CSMD1: variants seen among roughly 807,000 people sequenced by gnomAD.
CSMD1 encodes the protein CUB and sushi domain-containing protein 1.
CSMD1 carries 213 observed loss-of-function variants against 417.5 expected under a neutral mutation model. The ratio of observed to expected loss-of-function variants is 0.51; its 90% CI spans 0.46 to 0.57. The LOEUF (loss-of-function observed/expected upper bound fraction) is 0.57. Among genes scored for constraint, CSMD1 ranks in the 20% least tolerant of loss-of-function variants. The pLI, the probability that CSMD1 is intolerant of heterozygous loss-of-function variation, is 0.00. For synonymous variants in CSMD1, 2,862 were observed against 1,736.8 expected (o/e 1.65, Z -16.11); for missense variants, 6,923 against 4,529.7 (o/e 1.53, Z -15.17).
chr8:2,976,021 G>C (rs1293929749), intron 55 of CSMD1, among the ~76,000 whole-genome samples: 1 of 152,196 alleles, frequency 6.6e-6, no homozygotes, highest in East Asian at 1.9e-4. Flanking sequence ...ATTCCCATGT[G>C]TGAAAGCAAG....
intron 2 of CSMD1, among the ~76,000 whole-genome samples, chr8:4,604,410 T>TGTGCGCGC (rs59349269): frequency 0.29 from 42,773 of 146,028 alleles, 6,906 homozygotes; most frequent in East Asian, 0.36. Flanking sequence ...TGTGTGTGTG[T>TGTGCGCGC]GCGCGTGCGT....
chr8:4,695,979 G>C (rs1196176172), intron 1 of CSMD1, among the ~76,000 whole-genome samples: 3 of 152,196 alleles, frequency 2.0e-5, no homozygotes, highest in South Asian at 4.1e-4. Context: ...TCCGGAGGGA[G>C]AATGCCTGTG....
chr8:4,920,376 T>C (rs574477152), intron 1 of CSMD1, among the ~76,000 whole-genome samples: 2 of 151,376 alleles, frequency 1.3e-5, no homozygotes, highest in African/African-American at 4.9e-5. Flanking sequence ...AAAATGCATA[T>C]GGAAATGCTG....
chr8:3,900,447 C>T (rs1426509427), intron 5 of CSMD1, among the ~76,000 whole-genome samples: 2 of 151,314 alleles, frequency 1.3e-5, no homozygotes, highest in African/African-American at 4.9e-5. Context: ...GACAGCACAG[C>T]TGCATAACAG....
intron 1 of CSMD1, among the ~76,000 whole-genome samples, chr8:4,784,721 G>A (rs1197843451): frequency 6.6e-6 from 1 of 152,146 alleles, no homozygotes; most frequent in Non-Finnish European, 1.5e-5. Flanking sequence ...GTATTGGAAT[G>A]TTAATAAGAG....
intron 3 of CSMD1, among the ~76,000 whole-genome samples, chr8:4,405,801 C>A (rs958977314): frequency 6.6e-6 from 1 of 152,186 alleles, no homozygotes; most frequent in Non-Finnish European, 1.5e-5. Context: ...ATTTTAGACA[C>A]ATGCCCTGGG....
intron 5 of CSMD1, among the ~76,000 whole-genome samples, chr8:3,763,734 A>G (rs1031423039): frequency 6.6e-6 from 1 of 152,176 alleles, no homozygotes; most frequent in Non-Finnish European, 1.5e-5. Context: ...CTTTGTACAG[A>G]AACTAGATAA....
intron 3 of CSMD1, among the ~76,000 whole-genome samples, chr8:4,138,015 C>G (rs1296896405): frequency 1.4e-5 from 2 of 142,230 alleles, no homozygotes; most frequent in Non-Finnish European, 3.0e-5. Flanking sequence ...GTAGCTGCGA[C>G]TAGAGGCGCC....
intron 3 of CSMD1, among the ~76,000 whole-genome samples, chr8:4,132,958 G>T (rs1205254016): frequency 6.6e-6 from 1 of 152,060 alleles, no homozygotes. Flanking sequence ...TTTTGAGATG[G>T]AGTCTCGCTC....
intron 26 of CSMD1, among the ~76,000 whole-genome samples, chr8:3,244,822 A>G (rs1382039155): frequency 6.6e-6 from 1 of 152,184 alleles, no homozygotes; most frequent in Non-Finnish European, 1.5e-5. Context: ...TGGGTGCGGG[A>G]TCCGTCTTCA....
In CSMD1 at chr8:4,730,493, C is replaced by A. The variant is rs561655864; in HGVS notation, c.86-92935G>T. On this transcript the variant is annotated intron_variant, in intron 1 of 69. Transcript: ENST00000635120. ...CAGTGGCTCACACCTGTAATCCCAG[C>A]ACTTTGGGAGGCTGAGGCAGGCGGA... Among the ~76,000 whole-genome samples the A allele has an allele frequency of 7.9e-5, 12 of 152,228 alleles. No homozygotes were observed. The East Asian group carries it at 2.1e-3, about 27-fold the overall frequency.
At chr8:3,337,812 G>T (rs527310421) in intron 23 of CSMD1, among the ~76,000 whole-genome samples, 2 of 152,304 alleles carry the variant, frequency 1.3e-5, no homozygotes, top group South Asian at 2.1e-4. Context: ...TTAAACAAAA[G>T]TATTCCTTTG....
At chr8:4,368,655 G>C (rs191009195) in intron 3 of CSMD1, among the ~76,000 whole-genome samples, 4 of 152,110 alleles carry the variant, frequency 2.6e-5, no homozygotes, top group Non-Finnish European at 4.4e-5. Flanking sequence ...GAACTTATTG[G>C]TCTGTTCAGG....
chr8:3,707,638 T>G (rs961364385), intron 7 of CSMD1, among the ~76,000 whole-genome samples: 1 of 152,134 alleles, frequency 6.6e-6, no homozygotes, highest in Non-Finnish European at 1.5e-5. Context: ...TAAGGTCGTG[T>G]GGGGAGCAAA....
intron 3 of CSMD1, among the ~76,000 whole-genome samples, chr8:4,052,351 C>A (rs980705318): frequency 2.0e-5 from 3 of 152,198 alleles, no homozygotes; most frequent in Admixed American, 6.5e-5. Flanking sequence ...ATAATGATAA[C>A]ACTCACGTGT....
chr8:4,647,730 C>T (rs1259712516), intron 1 of CSMD1, among the ~76,000 whole-genome samples: 1 of 152,174 alleles, frequency 6.6e-6, no homozygotes, highest in Non-Finnish European at 1.5e-5. Flanking sequence ...CATGTCCCTG[C>T]AAAGGACATG....
chr8:3,918,877 G>A (rs1253770544), intron 5 of CSMD1, among the ~76,000 whole-genome samples: 2 of 151,996 alleles, frequency 1.3e-5, no homozygotes, highest in Non-Finnish European at 2.9e-5. Context: ...GGACTTGTGG[G>A]GAAAGAATAG....
intron 5 of CSMD1, among the ~76,000 whole-genome samples, chr8:3,837,318 T>G (rs1456038655): frequency 6.6e-6 from 1 of 152,168 alleles, no homozygotes; most frequent in Admixed American, 6.6e-5. Flanking sequence ...AGATTGCAAC[T>G]AGTATTCATT....
At chr8:4,038,854 G>C (rs527864064) in intron 3 of CSMD1, among the ~76,000 whole-genome samples, 1 of 152,248 alleles carries the variant, frequency 6.6e-6, no homozygotes, top group South Asian at 2.1e-4. Flanking sequence ...GTACATCAGG[G>C]CTTGAAACTT....
Sources: gnomAD v4.1 joint callset for allele counts (sites outside exome capture counted in the v4.1 genomes callset) on GRCh38, gnomAD v4.1.1 for gene constraint, MANE v1.5 for transcripts, NCBI Gene and HGNC (gene_info 2026-07-23, HGNC 2026-07-21) for gene names.